Variants in CTNND2 observed in about 807,000 individuals in gnomAD.
The protein encoded by CTNND2 is catenin delta-2.
In CTNND2, 22 loss-of-function variants were observed where a neutral mutation model predicts 144.4. The observed-to-expected ratio is 0.15, with a 90% CI of 0.11 to 0.22. CTNND2 has a LOEUF of 0.22. Among genes scored for constraint, CTNND2 ranks in the 10% least tolerant of loss-of-function variants. The probability of loss-of-function intolerance (pLI) is 1.00; values close to 1 mark genes in which losing one functional copy is unlikely to be tolerated. For missense variants in CTNND2, 1,353 were observed against 1,618.8 expected (o/e 0.84, Z 2.82); for synonymous variants, 751 against 695.6 (o/e 1.08, Z -1.25).
intron 16 of CTNND2, among the ~76,000 whole-genome samples, chr5:11,073,757 T>C (rs1748606285): frequency 6.6e-6 from 1 of 152,186 alleles, no homozygotes; most frequent in Admixed American, 6.5e-5. Context: ...GCACCTAATC[T>C]GAAGATACAA....
chr5:11,207,952 GA>G (rs1323624486), intron 10 of CTNND2, among the ~76,000 whole-genome samples: 1 of 151,984 alleles, frequency 6.6e-6, no homozygotes, highest in Non-Finnish European at 1.5e-5. Context: ...CAAGATTGAT[GA>G]AAAAACCTTT....
In CTNND2 at chr5:11,040,269, A is replaced by C. The variant is rs967755432; in HGVS notation, c.2789-17290T>G. On this transcript the variant is annotated intron_variant, in intron 16 of 21. Coordinates refer to ENST00000304623, the MANE Select transcript of CTNND2 (RefSeq NM_001332.4). Reference sequence around the variant, plus strand: ...TCAAAAAAACAAAAACAAAAACAAAAAGCACAGACCTGTAGCACATATAAG... The same window carrying C: ...TCAAAAAAACAAAAACAAAAACAAACAGCACAGACCTGTAGCACATATAAG... Among the ~76,000 whole-genome samples, 11 of 151,968 alleles carry C rather than the reference A, an allele frequency of 7.2e-5. No homozygotes were observed. In the East Asian group the frequency reaches 2.1e-3, roughly 29 times the overall value.
chr5:11,625,546 C>A (rs1178119924), intron 2 of CTNND2, among the ~76,000 whole-genome samples: 1 of 151,928 alleles, frequency 6.6e-6, no homozygotes, highest in Non-Finnish European at 1.5e-5. Context: ...AAAATCTTTG[C>A]AATCATGGAT....
At chr5:11,900,090 A>G (rs898046) in intron 1 of CTNND2, among the ~76,000 whole-genome samples, 144,766 of 152,234 alleles carry the variant, frequency 0.95, 69,183 homozygotes, top group Non-Finnish European at 1. Context: ...AAATGTTTCA[A>G]TATATGTAAT....
At chr5:11,253,547 C>T (rs1743890923) in intron 9 of CTNND2, among the ~76,000 whole-genome samples, 2 of 152,310 alleles carry the variant, frequency 1.3e-5, no homozygotes, top group South Asian at 4.1e-4. Flanking sequence ...TGCCTTTCAC[C>T]TTCCACCATG....
chr5:10,976,245 A>T (rs930959865), intron 21 of CTNND2, among the ~76,000 whole-genome samples: 3 of 152,126 alleles, frequency 2.0e-5, no homozygotes, highest in Non-Finnish European at 4.4e-5. Context: ...TTTGCTGGTG[A>T]AACACATCCA....
At chr5:11,884,730 T>C (rs979250301) in intron 1 of CTNND2, among the ~76,000 whole-genome samples, 3 of 152,208 alleles carry the variant, frequency 2.0e-5, no homozygotes, top group Non-Finnish European at 2.9e-5. Flanking sequence ...GGTATCCTTC[T>C]CTTACTCCAG....
intron 3 of CTNND2, among the ~76,000 whole-genome samples, chr5:11,456,203 C>T (rs1328426794): frequency 6.6e-6 from 1 of 152,120 alleles, no homozygotes; most frequent in Non-Finnish European, 1.5e-5. Flanking sequence ...GGTTCTGCTA[C>T]TTCTTGATGT....
At chr5:11,575,032 C>A (rs956368072) in intron 2 of CTNND2, among the ~76,000 whole-genome samples, 3 of 152,180 alleles carry the variant, frequency 2.0e-5, no homozygotes, top group African/African-American at 7.2e-5. Context: ...CACATTACTT[C>A]ATTTAATTGC....
At chr5:11,684,064 A>G (rs1353693964) in intron 2 of CTNND2, among the ~76,000 whole-genome samples, 1 of 152,022 alleles carries the variant, frequency 6.6e-6, no homozygotes, top group African/African-American at 2.4e-5. Flanking sequence ...ACAGACAGCT[A>G]CTATTAGGTT....
intron 7 of CTNND2, among the ~76,000 whole-genome samples, chr5:11,377,403 C>CTT (rs1459683315): frequency 6.6e-6 from 1 of 152,010 alleles, no homozygotes; most frequent in Non-Finnish European, 1.5e-5. Flanking sequence ...TATTCCTGTA[C>CTT]TTTTATTTTT....
At chr5:11,122,100 A>C (rs1311731290) in intron 12 of CTNND2, among the ~76,000 whole-genome samples, 1 of 152,180 alleles carries the variant, frequency 6.6e-6, no homozygotes, top group Non-Finnish European at 1.5e-5. Context: ...TCAGGAAAGC[A>C]GGGGCACATT....
chr5:11,616,585 CCCTT>C lies in CTNND2; in HGVS notation c.175-51533_175-51530del, dbSNP rs553603829. ...TCCCTCCTTCCCTTCCCTTTCCTTC[CCCTT>C]CCTTCCTTCCTTCCTCCTTCCTTCC... On this transcript the variant is annotated intron_variant, in intron 2 of 21. Transcript: ENST00000304623. Among the ~76,000 whole-genome samples the C allele has an allele frequency of 1.4e-3, 211 of 150,782 alleles. 2 individuals carry two copies. The South Asian group carries it at 0.016, about 12-fold the overall frequency.
chr5:11,686,538 CCT>C (rs1784651863), intron 2 of CTNND2, among the ~76,000 whole-genome samples: 1 of 151,862 alleles, frequency 6.6e-6, no homozygotes, highest in African/African-American at 2.4e-5. Flanking sequence ...CATTCAAAGA[CCT>C]CTCCCAGAAG....
At position 11,340,002 on chromosome 5, in the gene CTNND2, T is replaced by C. The variant is rs563305932; in HGVS notation, c.1628+6370A>G. On this transcript the variant is annotated intron_variant, in intron 9 of 21. Transcript: ENST00000304623. ...TGCAAGCTTTCAAGTTACCACTTTG[T>C]CCTGATTTGGGTGGGTGGACAGGGC... Among the ~76,000 whole-genome samples the C allele has an allele frequency of 4.6e-5, 7 of 152,344 alleles. No homozygotes were observed. The East Asian group carries it at 1.4e-3, about 29-fold the overall frequency.
rs1757949339 is a variant in CTNND2, at chr5:11,376,371, A to C, written c.1177+8294T>G. On this transcript the variant is annotated intron_variant, in intron 7 of 21. Transcript: ENST00000304623. Reference sequence around the variant, plus strand: ...GTATTTCTTATTCTAAAGAGAAATAAATACTGACTTCCCCTTTCTACATCA... The same window carrying C: ...GTATTTCTTATTCTAAAGAGAAATACATACTGACTTCCCCTTTCTACATCA... Among the ~76,000 whole-genome samples, 5 of 57,978 alleles carry C rather than the reference A, an allele frequency of 8.6e-5. No individual in the cohort carries two copies. The Admixed American group carries it at 1.0e-3, about 12-fold the overall frequency. The allele number at this position is 57,978 out of a possible 152,430, so 38.0% of individuals were successfully genotyped here.
chr5:10,982,449 G>T (rs1737405174), intron 20 of CTNND2, among the ~76,000 whole-genome samples: 1 of 152,238 alleles, frequency 6.6e-6, no homozygotes, highest in South Asian at 2.1e-4. Context: ...AGAGATGAAG[G>T]TCTCCTCTAG....
chr5:11,174,945 T>G (rs376983526), intron 11 of CTNND2, among the ~76,000 whole-genome samples: 60 of 152,356 alleles, frequency 3.9e-4, no homozygotes, highest in African/African-American at 1.3e-3. Context: ...ATAAACTGGC[T>G]TTTCAAGATA....
intron 1 of CTNND2, among the ~76,000 whole-genome samples, chr5:11,799,978 A>G (rs1791592809): frequency 6.6e-6 from 1 of 152,218 alleles, no homozygotes; most frequent in Non-Finnish European, 1.5e-5. Context: ...GTAAAGTTTG[A>G]CATTCCAGAA....
Sources: allele counts gnomAD v4.1 joint callset (sites outside exome capture counted in the v4.1 genomes callset), GRCh38; gene constraint gnomAD v4.1.1; transcripts MANE v1.5; gene names NCBI Gene and HGNC (gene_info 2026-07-23, HGNC 2026-07-21).